ALLC: variants seen among roughly 807,000 people sequenced by gnomAD.
The protein encoded by ALLC is allantoicase, also known as probable inactive allantoicase.
A neutral mutation model predicts 45.0 loss-of-function variants in ALLC; 40 were observed. That is an observed-to-expected ratio of 0.89 (90% CI 0.69 to 1.16). ALLC has a LOEUF of 1.16. ALLC is among the 50% of genes most tolerant of loss of function. The probability of loss-of-function intolerance (pLI) is 0.00; values close to 1 mark genes in which losing one functional copy is unlikely to be tolerated. For synonymous variants in ALLC, 176 were observed against 178.1 expected (o/e 0.99, Z 0.09); for missense variants, 488 against 493.1 (o/e 0.99, Z 0.10).
the ALLC span, among the ~76,000 whole-genome samples, chr2:3,651,301 T>G: frequency 0.038 from 277 of 7,330 alleles, 22 homozygotes; most frequent in Middle Eastern, 0.19. Flanking sequence ...TCTTTTTGGG[T>G]GGGTGGGTGG....
Position 3,695,741 on chromosome 2 carries a change from T to G in ALLC, c.536T>G (p.Val179Gly), listed in dbSNP as rs1240138029. Residue 179 changes from valine (V) to glycine (G), a missense_variant, in exon 8 of 12, where the codon GTA becomes GGA. By Grantham distance (109) the Val-to-Gly change is moderately radical. Coordinates refer to ENST00000252505, the MANE Select transcript of ALLC (RefSeq NM_018436.4). The stretch of plus-strand genomic sequence containing the variant: ...GATGGTGGAATTGCACGACTTAGAG[T>G]ATTCGGTACTGGACAAAAAGACTGG... ...FPDGGIARLRVFGTGQKDWTA... is the reference protein window; with the variant it reads ...FPDGGIARLRGFGTGQKDWTA... 2.5e-6 allele frequency: 4 copies of G among 1,613,756 alleles called. No individual in the cohort carries two copies. The highest frequency in any genetic ancestry group is 3.4e-6 in the Non-Finnish European group (4 of 1,179,876).
chr2:3,656,069 A>G (rs1391339386), upstream of ALLC, among the ~76,000 whole-genome samples: 1 of 152,202 alleles, frequency 6.6e-6, no homozygotes. Flanking sequence ...CCTCAACATC[A>G]GGTCCCCACC....
At chr2:3,654,230 TCCAAGAGC>T (rs72453012), upstream of ALLC, among the ~76,000 whole-genome samples, 7,577 of 152,246 alleles carry the variant, frequency 0.05, 554 homozygotes, top group African/African-American at 0.16. Flanking sequence ...ATGTGAGTGA[TCCAAGAGC>T]CCTTGATGGG....
intron 7 of ALLC, among the ~76,000 whole-genome samples, chr2:3,689,240 C>T (rs937644778): frequency 8.0e-5 from 12 of 149,948 alleles, no homozygotes; most frequent in African/African-American, 2.9e-4. Flanking sequence ...TTATTTTTTT[C>T]TTCTACTAGT....
chr2:3,650,859 C>T, the ALLC span, among the ~76,000 whole-genome samples: 1 of 152,226 alleles, frequency 6.6e-6, no homozygotes, highest in Admixed American at 6.5e-5. Flanking sequence ...CTGGTTAATT[C>T]AGCAGTGTAG....
chr2:3,668,126 G>T (rs1342640658), intron 1 of ALLC, among the ~76,000 whole-genome samples: 3 of 152,170 alleles, frequency 2.0e-5, no homozygotes, highest in Non-Finnish European at 2.9e-5. Flanking sequence ...AACAAAGATG[G>T]GCCCGGATAA....
At chr2:3,656,912 G>A (rs992836477), upstream of ALLC, among the ~76,000 whole-genome samples, 4 of 152,190 alleles carry the variant, frequency 2.6e-5, no homozygotes, top group South Asian at 2.1e-4. Flanking sequence ...GCGAAACCAC[G>A]AGGATAAAAA....
chr2:3,697,597 T>C, intron 10 of ALLC, 141 bp downstream of exon 10: 1 of 613,860 alleles, frequency 1.6e-6, no homozygotes, highest in African/African-American at 1.9e-5. Flanking sequence ...CATGCTACTT[T>C]AACCCTTAGA....
chr2:3,661,402 G>T (rs914373501), intron 1 of ALLC, among the ~76,000 whole-genome samples: 1 of 152,202 alleles, frequency 6.6e-6, no homozygotes, highest in Non-Finnish European at 1.5e-5. Flanking sequence ...CTTTAATTAA[G>T]CTTGGCCTGT....
chr2:3,659,710 G>A (rs984218276), intron 1 of ALLC, among the ~76,000 whole-genome samples: 9 of 152,230 alleles, frequency 5.9e-5, no homozygotes, highest in African/African-American at 2.2e-4. Flanking sequence ...TGGCGCAAGA[G>A]TCGTGGAGCT....
intron 3 of ALLC, among the ~76,000 whole-genome samples, chr2:3,677,662 G>C (rs887674890): frequency 6.6e-6 from 1 of 152,134 alleles, no homozygotes; most frequent in African/African-American, 2.4e-5. Context: ...AGGGAGTCTG[G>C]CGGGATCCCT....
intron 7 of ALLC, among the ~76,000 whole-genome samples, chr2:3,694,048 G>C (rs536028789): frequency 1.3e-5 from 2 of 152,090 alleles, no homozygotes; most frequent in Non-Finnish European, 2.9e-5. Flanking sequence ...TACAACAAAA[G>C]TATTTTGGTA....
intron 2 of ALLC, among the ~76,000 whole-genome samples, chr2:3,671,725 G>A (rs1291709329): frequency 1.5e-5 from 2 of 137,232 alleles, no homozygotes; most frequent in South Asian, 2.4e-4. Flanking sequence ...CTCTGGCTCT[G>A]GTTAGATGGG....
the ALLC span, among the ~76,000 whole-genome samples, chr2:3,651,507 C>T: frequency 1.6e-3 from 242 of 149,732 alleles, no homozygotes; most frequent in Non-Finnish European, 2.5e-3. Context: ...GAGGCAGAGG[C>T]CGAGGTGTCA....
At chr2:3,653,495 G>A (rs1004734633), upstream of ALLC, among the ~76,000 whole-genome samples, 2 of 152,200 alleles carry the variant, frequency 1.3e-5, no homozygotes, top group Admixed American at 1.3e-4. The surrounding 1 kb of genome is among the most constrained non-coding windows in gnomAD (Gnocchi z 4.1). Context: ...TGCCAGCTAC[G>A]ATCCAGCCCT....
At chr2:3,694,308 T>A (rs1443890186) in intron 7 of ALLC, among the ~76,000 whole-genome samples, 4 of 152,170 alleles carry the variant, frequency 2.6e-5, no homozygotes, top group Non-Finnish European at 4.4e-5. Context: ...GTCCCAGCTC[T>A]TACTGGCATC....
chr2:3,651,419 G>T, the ALLC span, among the ~76,000 whole-genome samples: 1 of 56,220 alleles, frequency 1.8e-5, no homozygotes, highest in Non-Finnish European at 4.1e-5. Context: ...GTGTGTGTGT[G>T]TGTGTGTGTG....
intron 6 of ALLC, among the ~76,000 whole-genome samples, chr2:3,682,580 C>T (rs946843550): frequency 6.6e-5 from 10 of 152,168 alleles, no homozygotes; most frequent in South Asian, 2.1e-4. Flanking sequence ...GGCTGGAGTG[C>T]AGGGGCGCGA....
At chr2:3,686,754 T>C (rs1191303906) in intron 7 of ALLC, among the ~76,000 whole-genome samples, 1 of 151,114 alleles carries the variant, frequency 6.6e-6, no homozygotes, top group East Asian at 2.0e-4. Flanking sequence ...TCACTGTTGG[T>C]GTGTATAAAT....
Sources: gnomAD v4.1 joint callset for allele counts (sites outside exome capture counted in the v4.1 genomes callset) on GRCh38, gnomAD v4.1.1 for gene constraint, Gnocchi (gnomAD v3.1) non-coding constraint, MANE v1.5 for transcripts, NCBI Gene and HGNC (gene_info 2026-07-23, HGNC 2026-07-21) for gene names.